The following MADD variants were observed in gnomAD, a reference collection of about 807,000 sequenced individuals.
MADD encodes MAP kinase activating death domain.
Under a neutral mutation model 176.7 loss-of-function variants are expected in MADD, and 109 were observed. That is an observed-to-expected ratio of 0.62 (90% CI 0.53 to 0.72). The LOEUF (loss-of-function observed/expected upper bound fraction) is 0.72. Ranked by LOEUF, MADD falls within the 30% of genes least tolerant of loss-of-function variation. The pLI is 0.00. For missense variants in MADD, 1,914 were observed against 2,045.5 expected (o/e 0.94, Z 1.24); for synonymous variants, 771 against 771.3 (o/e 1.00, Z 0.01).
chr11:47,311,751 G>T, exon 26 of MADD: 1 of 1,612,366 alleles, frequency 6.2e-7, no homozygotes, highest in Non-Finnish European at 8.5e-7. Flanking sequence ...AATGACATCC[G>T]CAAGAAGGTG....
intron 15 of MADD, among the ~76,000 whole-genome samples, chr11:47,287,048 A>G (rs1484646318): frequency 1.3e-5 from 2 of 152,202 alleles, no homozygotes; most frequent in African/African-American, 4.8e-5. Context: ...TGTGAAAGCC[A>G]GGCGCGGTGG....
At chr11:47,307,650 T>C (rs1311142656) in intron 22 of MADD, among the ~76,000 whole-genome samples, 1 of 152,028 alleles carries the variant, frequency 6.6e-6, no homozygotes, top group Non-Finnish European at 1.5e-5. Context: ...AAAATCTTTT[T>C]TTTTTTTTTG....
At chr11:47,292,709 G>T in intron 19 of MADD, 113 bp downstream of exon 21, 1 of 1,007,800 alleles carries the variant, frequency 9.9e-7, no homozygotes, top group East Asian at 2.4e-5. Context: ...CTCTTAGAGC[G>T]TGTTTGGAAT....
intron 27 of MADD, among the ~76,000 whole-genome samples, chr11:47,316,156 C>T (rs1028445865): frequency 1.0e-4 from 13 of 127,138 alleles, no homozygotes; most frequent in East Asian, 7.1e-4. Flanking sequence ...TATACACGTG[C>T]GCGCGCACAC....
rs2069301543 is a variant in MADD at position 47,294,791 on chromosome 11, T to C, written c.3403-705T>C. On this transcript the variant is annotated intron_variant, in intron 20 of 32. Coordinates refer to ENST00000402192, the Ensembl canonical transcript of MADD. ...TGCAATATTAGTATCCATTAAAGAT[T>C]GTGTTTTCAAAAATTTAGTGACATG... Among the ~76,000 whole-genome samples, 4 of 151,964 alleles carry C rather than the reference T, an allele frequency of 2.6e-5. No homozygotes were observed. The South Asian group carries it at 8.3e-4, about 31-fold the overall frequency.
intron 12 of MADD, 123 bp downstream of exon 12, chr11:47,284,688 A>G (rs2059392865): frequency 3.0e-6 from 4 of 1,350,834 alleles, no homozygotes; most frequent in Admixed American, 4.5e-5. Flanking sequence ...CTTCCTCTTC[A>G]TGGGCCCTAG....
At chr11:47,283,370 G>A (rs1404227468) in intron 10 of MADD, among the ~76,000 whole-genome samples, 1 of 152,102 alleles carries the variant, frequency 6.6e-6, no homozygotes, top group Non-Finnish European at 1.5e-5. Context: ...TGAGAATACA[G>A]GCGTGAGCCA....
intron 7 of MADD, among the ~76,000 whole-genome samples, chr11:47,279,605 T>G (rs892745446): frequency 1.3e-5 from 2 of 151,820 alleles, no homozygotes; most frequent in African/African-American, 4.8e-5. Flanking sequence ...GGCCTCTATC[T>G]CCTGACCTCA....
chr11:47,317,707 C>G (rs2093469543), intron 27 of MADD, among the ~76,000 whole-genome samples: 1 of 152,058 alleles, frequency 6.6e-6, no homozygotes, highest in African/African-American at 2.4e-5. Flanking sequence ...CCAGAAAGTT[C>G]CTCATTTGTC....
At chr11:47,273,654 C>G (rs553088005) in intron 1 of MADD, among the ~76,000 whole-genome samples, 173 bp from the exon 2 acceptor site, 4 of 152,158 alleles carry the variant, frequency 2.6e-5, no homozygotes, top group Non-Finnish European at 5.9e-5. Flanking sequence ...TTTTAACATT[C>G]GATTCTGTGA....
chr11:47,307,703 C>CTT (rs1047076259), intron 22 of MADD, among the ~76,000 whole-genome samples: 1 of 151,448 alleles, frequency 6.6e-6, no homozygotes, highest in Admixed American at 6.6e-5. Flanking sequence ...GAGTCTCACT[C>CTT]TGTCACCCAA....
intron 20 of MADD, among the ~76,000 whole-genome samples, chr11:47,294,973 A>G (rs1424680148): frequency 6.6e-6 from 1 of 151,980 alleles, no homozygotes; most frequent in Non-Finnish European, 1.5e-5. Context: ...TGTATTTTCT[A>G]CAGTGAGCAT....
chr11:47,281,605 C>T (rs779334119), exon 8 of MADD: 2 of 1,612,328 alleles, frequency 1.2e-6, no homozygotes, highest in South Asian at 1.1e-5. Flanking sequence ...CAACACCCAG[C>T]CCATCCTCAA....
chr11:47,329,129 G>A lies in MADD; in HGVS notation c.4743G>A (p.Pro1581=), dbSNP rs777283291. The A allele has an allele frequency of 7.4e-6, 12 of 1,613,876 alleles. No homozygotes were observed. Among genetic ancestry groups the A allele is most frequent in the South Asian group, 4.4e-5 (4 of 91,072 alleles). The change falls in exon 33 of 33, where the codon CCG becomes CCA. Residue 1581 remains proline, a synonymous_variant. Coordinates refer to ENST00000402192, the Ensembl canonical transcript of MADD. Reference sequence around the variant, plus strand: ...GCAGTGAGGAAGATCTCAGAACCCCGCCCCGGCCTGTCTCTAGCTGATGGA... The same window carrying A: ...GCAGTGAGGAAGATCTCAGAACCCCACCCCGGCCTGTCTCTAGCTGATGGA...
exon 3 of MADD, chr11:47,274,803 C>A: frequency 2.5e-6 from 4 of 1,614,216 alleles, no homozygotes; most frequent in Non-Finnish European, 3.4e-6. Context: ...ACCGCTCCTT[C>A]CAAAAGCGAA....
intron 6 of MADD, among the ~76,000 whole-genome samples, chr11:47,278,539 T>A (rs1326576997): frequency 6.6e-6 from 1 of 152,178 alleles, no homozygotes; most frequent in Non-Finnish European, 1.5e-5. Context: ...CCAAGAGCAG[T>A]CAGACAGTTG....
chr11:47,298,982 G>A (rs2075401232), intron 22 of MADD, among the ~76,000 whole-genome samples: 2 of 152,176 alleles, frequency 1.3e-5, no homozygotes, highest in African/African-American at 2.4e-5. Context: ...TCAAAAAACA[G>A]TTGGCTATAA....
At chr11:47,327,942 C>T in intron 31 of MADD, 1 of 985,360 alleles carries the variant, frequency 1.0e-6, no homozygotes, top group Non-Finnish European at 1.2e-6. Flanking sequence ...TCACTCTTGC[C>T]TTCTGGGCTG....
chr11:47,269,444 G>A (rs1429469537), upstream of MADD: 1 of 152,318 alleles, frequency 6.6e-6, no homozygotes, highest in African/African-American at 2.4e-5. Context: ...TTTTCCTTTG[G>A]CATCTGAAAA....
Sources: allele counts gnomAD v4.1 joint callset (sites outside exome capture counted in the v4.1 genomes callset), GRCh38; gene constraint gnomAD v4.1.1; transcripts MANE v1.5; gene names NCBI Gene and HGNC (gene_info 2026-07-23, HGNC 2026-07-21).